Variants in IDI1 observed in about 807,000 individuals in gnomAD.
The protein encoded by IDI1 is isopentenyl-diphosphate Delta-isomerase 1.
In IDI1, 23 loss-of-function variants were observed where a neutral mutation model predicts 32.9. The observed-to-expected ratio is 0.70, with a 90% CI of 0.50 to 0.99. IDI1 has a LOEUF of 0.99. IDI1 is among the 50% of genes least tolerant of loss of function. The pLI is 0.00. For missense variants in IDI1, 326 were observed against 351.9 expected (o/e 0.93, Z 0.59); for synonymous variants, 133 against 128.2 (o/e 1.04, Z -0.25).
At chr10:1,041,955 C>T (rs994570029) in intron 4 of IDI1, among the ~76,000 whole-genome samples, 7 of 151,634 alleles carry the variant, frequency 4.6e-5, no homozygotes, top group South Asian at 2.1e-4. Context: ...ACAGACGTGC[C>T]GCCCCACCAT....
intron 1 of IDI1, among the ~76,000 whole-genome samples, chr10:1,045,048 C>T (rs7072554): frequency 0.19 from 29,409 of 152,260 alleles, 3,005 homozygotes; most frequent in Non-Finnish European, 0.22. Context: ...CTTCTCCATC[C>T]GTTTAAATAT....
At position 1,045,901 on chromosome 10, in the gene IDI1, G is replaced by A. The variant is rs188280567; in HGVS notation, c.141-1730C>T. Among the ~76,000 whole-genome samples the A allele has an allele frequency of 1.4e-3, 210 of 151,634 alleles. 7 individuals carry two copies. In the East Asian group the frequency reaches 0.032, roughly 23 times the overall value. ...TGTGTGTGTGTGTGTGTGTGAATGC[G>A]TGTGTCAGGAGTCAGTGATGATGGA... On this transcript the variant is annotated intron_variant, in intron 1 of 4. Transcript: ENST00000381344.
At chr10:1,052,399 C>T (rs995202760), upstream of IDI1, among the ~76,000 whole-genome samples, 2 of 152,214 alleles carry the variant, frequency 1.3e-5, no homozygotes, top group Non-Finnish European at 2.9e-5. Flanking sequence ...CATCTTCGGG[C>T]AGCCATAGCC....
chr10:1,041,838 T>G (rs115136585), intron 4 of IDI1, among the ~76,000 whole-genome samples: 6,770 of 150,890 alleles, frequency 0.045, 488 homozygotes, highest in African/African-American at 0.15. Flanking sequence ...GACGGAGTCT[T>G]GCTGTCACCC....
chr10:1,045,119 G>T (rs1832762961), intron 1 of IDI1, among the ~76,000 whole-genome samples: 1 of 152,244 alleles, frequency 6.6e-6, no homozygotes, highest in African/African-American at 2.4e-5. Context: ...TGGCCTATAG[G>T]CCATAGTTGG....
In IDI1 at chr10:1,045,016, T is replaced by C. The variant is rs574785444; in HGVS notation, c.141-845A>G. ...GACACTGAATTACATTTAATTTTCA[T>C]GTGTCACAAAATATTTTGATTCTTC... On this transcript the variant is annotated intron_variant, in intron 1 of 4. Transcript: ENST00000381344. 9.2e-5 allele frequency among the ~76,000 whole-genome samples: 14 copies of C among 152,376 alleles called. No individual in the cohort carries two copies. In the South Asian group the frequency reaches 1.9e-3, roughly 20 times the overall value.
chr10:1,041,609 G>A (rs1176730017), intron 4 of IDI1, 105 bp from the exon 5 acceptor site: 4 of 586,276 alleles, frequency 6.8e-6, no homozygotes, highest in Admixed American at 6.4e-5. Context: ...CAGCAGTATA[G>A]TTTTAGGATT....
At position 1,040,554 on chromosome 10, in the gene IDI1, A is replaced by G. The variant is rs1195274808; in HGVS notation, c.*633T>C. The G allele has an allele frequency of 6.6e-6, 1 of 152,350 alleles. No homozygotes were observed. Among genetic ancestry groups the G allele is most frequent in the African/African-American group, 2.4e-5 (1 of 41,468 alleles). The allele number at this position is 152,350 out of a possible 1,614,324, so 9.4% of individuals were successfully genotyped here. A position where few individuals can be genotyped will look rare whatever the true frequency, so the allele number is the denominator to read the frequency against. ...ATTTACAAGAAGATTCAACCTAATCAATATCACTTATCAAAAGCAGTGGCT... is the reference window on the plus strand; with the variant it reads ...ATTTACAAGAAGATTCAACCTAATCGATATCACTTATCAAAAGCAGTGGCT... On this transcript the variant is annotated 3_prime_UTR_variant, in exon 5 of 5. Transcript: ENST00000381344.
At position 1,043,437 on chromosome 10, in the gene IDI1, G is replaced by A. The variant is rs201757550; in HGVS notation, c.314-44C>T. The A allele has an allele frequency of 5.8e-6, 7 of 1,209,322 alleles. No homozygotes were observed. In the Admixed American group the frequency reaches 1.2e-4, roughly 20 times the overall value. 74.9% of individuals were successfully genotyped at this position (1,209,322 alleles called of 1,614,324 possible). On this transcript the variant is annotated intron_variant, in intron 2 of 4. Coordinates refer to ENST00000381344, the MANE Select transcript of IDI1 (RefSeq NM_004508.4). Reference sequence around the variant, plus strand: ...ACAATTATTTTAGCCTTAAGTACCAGTTATTTGCCAAATTCTCTCCCTGCA... The same window carrying A: ...ACAATTATTTTAGCCTTAAGTACCAATTATTTGCCAAATTCTCTCCCTGCA...
At chr10:1,049,654 G>A (rs543120699), upstream of IDI1, 408 of 94,134 alleles carry the variant, frequency 4.3e-3, no homozygotes, top group Non-Finnish European at 7.0e-3. Flanking sequence ...ACATGACTAC[G>A]TTCTAAATTT....
At chr10:1,047,917 T>C (rs1484398485) in intron 1 of IDI1, among the ~76,000 whole-genome samples, 2 of 152,248 alleles carry the variant, frequency 1.3e-5, no homozygotes, top group Non-Finnish European at 2.9e-5. Flanking sequence ...GTTGGTTAAA[T>C]CCATGGATAT....
intron 1 of IDI1, among the ~76,000 whole-genome samples, chr10:1,045,128 G>A (rs1053322772): frequency 1.3e-5 from 2 of 152,256 alleles, no homozygotes; most frequent in Non-Finnish European, 2.9e-5. Flanking sequence ...GGCCATAGTT[G>A]GCCCATTCCT....
At chr10:1,050,535 T>C (rs767441452), upstream of IDI1, among the ~76,000 whole-genome samples, 14 of 152,162 alleles carry the variant, frequency 9.2e-5, no homozygotes, top group South Asian at 2.1e-4. Context: ...ATATTAAACA[T>C]TGAAATAAAT....
chr10:1,041,701 A>C (rs932734647), intron 4 of IDI1, among the ~76,000 whole-genome samples, 197 bp from the exon 5 acceptor site: 2 of 151,356 alleles, frequency 1.3e-5, no homozygotes, highest in Non-Finnish European at 2.9e-5. Context: ...TTACATCATT[A>C]GTTTCAAGTG....
At chr10:1,048,803 CCG>C in intron 1 of IDI1, 59 bp downstream of exon 1, 1 of 1,571,384 alleles carries the variant, frequency 6.4e-7, no homozygotes, top group Non-Finnish European at 8.6e-7. Flanking sequence ...CCGCCCCGTC[CCG>C]CAGCTCCCCG....
chr10:1,043,821 C>T lies in IDI1; in HGVS notation c.313+178G>A, dbSNP rs1372854522. ...TAACAGGCATGAAGTGAAGAGAAAT[C>T]GCTGTAACAGGAAGACAGCAAAGCA... On this transcript the variant is annotated intron_variant, in intron 2 of 4. Transcript: ENST00000381344. 26 of 667,472 alleles carry T rather than the reference C, an allele frequency of 3.9e-5. 1 individual carries two copies. The highest frequency in any genetic ancestry group is 3.5e-4 in the South Asian group (22 of 62,212). The allele number at this position is 667,472 out of a possible 1,614,324, so 41.3% of individuals were successfully genotyped here.
At chr10:1,043,517 C>T (rs1328853946) in intron 2 of IDI1, 124 bp from the exon 3 acceptor site, 2 of 727,742 alleles carry the variant, frequency 2.7e-6, no homozygotes, top group African/African-American at 1.7e-5. Context: ...CATGGTTTAT[C>T]CACATGCATA....
rs1832556113 is a variant in IDI1 at position 1,040,912 on chromosome 10, A to G, written c.*275T>C. The stretch of plus-strand genomic sequence containing the variant: ...CCATAAGTATGTATCTGCAAAGATT[A>G]AATTAAGTTTTATTTGCTCGCTCTC... On this transcript the variant is annotated 3_prime_UTR_variant, in exon 5 of 5. Coordinates refer to ENST00000381344, the MANE Select transcript of IDI1 (RefSeq NM_004508.4). 2 of 305,774 alleles carry G rather than the reference A, an allele frequency of 6.5e-6. No homozygotes were observed. Among genetic ancestry groups the G allele is most frequent in the Non-Finnish European group, 1.2e-5 (2 of 166,150 alleles). The allele number at this position is 305,774 out of a possible 1,614,324, so 18.9% of individuals were successfully genotyped here.
intron 1 of IDI1, among the ~76,000 whole-genome samples, chr10:1,044,761 T>A (rs1242122286): frequency 6.6e-6 from 1 of 152,234 alleles, no homozygotes; most frequent in Non-Finnish European, 1.5e-5. Context: ...ATTATTTGTA[T>A]GAGTTTTGTC....
Sources: allele counts gnomAD v4.1 joint callset (sites outside exome capture counted in the v4.1 genomes callset), GRCh38; gene constraint gnomAD v4.1.1; transcripts MANE v1.5; gene names NCBI Gene and HGNC (gene_info 2026-07-23, HGNC 2026-07-21).